The following PRRX2 variants were observed in gnomAD, a reference collection of about 807,000 sequenced individuals.
PRRX2 encodes paired mesoderm homeobox protein 2.
A neutral mutation model predicts 18.0 loss-of-function variants in PRRX2; 11 were observed. The ratio of observed to expected loss-of-function variants is 0.61; its 90% CI spans 0.39 to 1.01. PRRX2 has a LOEUF of 1.01. PRRX2 is among the 50% of genes least tolerant of loss of function. PRRX2 has a pLI of 0.01. For missense variants in PRRX2, 387 were observed against 351.0 expected, an observed-to-expected ratio of 1.10 and a Z score of -0.82; for synonymous variants, 177 against 154.8, an observed-to-expected ratio of 1.14 and a Z score of -1.06.
rs749511698 is a variant in PRRX2 at position 129,719,373 on chromosome 9, C to T, written c.402C>T (p.Arg134=). ...CGCACTACCCCGACGCCTTTGTGCGCGAGGAGCTTGCCCGGCGCGTCAACC... is the reference window on the plus strand; with the variant it reads ...CGCACTACCCCGACGCCTTTGTGCGTGAGGAGCTTGCCCGGCGCGTCAACC... ...ERTHYPDAFV[R]EELARRVNLS... Residue 134 remains arginine, a synonymous_variant, in exon 2 of 4, where the codon CGC becomes CGT. Coordinates refer to ENST00000372469, the MANE Select transcript of PRRX2 (RefSeq NM_016307.4). 6 of 1,563,812 alleles carry T rather than the reference C, an allele frequency of 3.8e-6. No homozygotes were observed. Among genetic ancestry groups the T allele is most frequent in the Middle Eastern group, 1.8e-4 (1 of 5,506 alleles).
intron 1 of PRRX2, among the ~76,000 whole-genome samples, chr9:129,710,831 C>T (rs892113065): frequency 6.6e-5 from 10 of 152,120 alleles, no homozygotes; most frequent in African/African-American, 1.9e-4. Context: ...CTAGAAGCCC[C>T]GGGATCCTTC....
At position 129,665,878 on chromosome 9, in the gene PRRX2, C is replaced by T; in HGVS notation, c.11C>T (p.Ala4Val). The change falls in exon 1 of 4, where the codon GCG becomes GTG. Residue 4 changes from alanine to valine, a missense_variant. Physicochemically the swap from Ala to Val is moderately conservative, Grantham distance 64 (BLOSUM62 0). Transcript: ENST00000372469. The surrounding 1 kb of genome is among the most constrained non-coding windows in gnomAD (Gnocchi z 5.3). MDS[A>V]AAAFALDKPA... ...GGGCCGCTCGCGGGCATGGACAGCGCGGCCGCCGCCTTCGCCCTGGACAAG... is the reference window on the plus strand; with the variant it reads ...GGGCCGCTCGCGGGCATGGACAGCGTGGCCGCCGCCTTCGCCCTGGACAAG... 1 of 1,068,926 alleles carries T rather than the reference C, an allele frequency of 9.4e-7. No homozygotes were observed. Among genetic ancestry groups the T allele is most frequent in the South Asian group, 3.9e-5 (1 of 25,600 alleles). The allele number at this position is 1,068,926 out of a possible 1,614,324, so 66.2% of individuals were successfully genotyped here. A position where few individuals can be genotyped will look rare whatever the true frequency, so the allele number is the denominator to read the frequency against.
chr9:129,697,149 TCA>T (rs2130922074), intron 1 of PRRX2, among the ~76,000 whole-genome samples: 1 of 152,288 alleles, frequency 6.6e-6, no homozygotes, highest in Non-Finnish European at 1.5e-5. Flanking sequence ...ACTGCCTTTG[TCA>T]CTAATCGGGG....
chr9:129,678,025 G>A (rs1832183131), intron 1 of PRRX2, among the ~76,000 whole-genome samples: 1 of 143,830 alleles, frequency 7.0e-6, no homozygotes, highest in East Asian at 2.0e-4. Flanking sequence ...GTGCAGTGGC[G>A]CAATCTCGGC....
At chr9:129,672,298 C>T (rs969537859) in intron 1 of PRRX2, among the ~76,000 whole-genome samples, 1 of 152,132 alleles carries the variant, frequency 6.6e-6, no homozygotes, top group Non-Finnish European at 1.5e-5. Flanking sequence ...CGGGAAGCCT[C>T]GTGGGCACAG....
rs529560395 is a variant in PRRX2 at position 129,690,964 on chromosome 9, C to T, written c.259+24838C>T. On this transcript the variant is annotated intron_variant, in intron 1 of 3. Transcript: ENST00000372469. ...AGTGGTGTGCTTGTGCCCGCTTGTCCTACTGCACAAGAGCCTATTGTTAAG... is the reference window on the plus strand; with the variant it reads ...AGTGGTGTGCTTGTGCCCGCTTGTCTTACTGCACAAGAGCCTATTGTTAAG... Among the ~76,000 whole-genome samples, 4 of 152,154 alleles carry T rather than the reference C, an allele frequency of 2.6e-5. No individual in the cohort carries two copies. In the South Asian group the frequency reaches 8.3e-4, roughly 32 times the overall value.
intron 1 of PRRX2, among the ~76,000 whole-genome samples, chr9:129,697,578 GGCGGCTGGCGC>G (rs938828527): frequency 6.6e-6 from 1 of 151,302 alleles, no homozygotes; most frequent in Non-Finnish European, 1.5e-5. Context: ...GCTGGGCGGC[GGCGGCTGGCGC>G]GCCGGCCCTG....
At chr9:129,721,578 T>A (rs1458160011) in intron 3 of PRRX2, among the ~76,000 whole-genome samples, 1 of 150,796 alleles carries the variant, frequency 6.6e-6, no homozygotes, top group Non-Finnish European at 1.5e-5. Flanking sequence ...GCATCCTTAT[T>A]TATTTATGTA....
chr9:129,705,372 C>T (rs370891128), intron 1 of PRRX2, among the ~76,000 whole-genome samples: 5 of 152,152 alleles, frequency 3.3e-5, no homozygotes, highest in African/African-American at 1.2e-4. Flanking sequence ...GCCCCCCTGG[C>T]CCTTTGATTG....
chr9:129,681,568 T>G (rs1239966870), intron 1 of PRRX2, among the ~76,000 whole-genome samples: 1 of 151,338 alleles, frequency 6.6e-6, no homozygotes, highest in African/African-American at 2.4e-5. Context: ...GCCCTGGGGG[T>G]TGTGGATGCG....
chr9:129,665,892 G>T lies in PRRX2; in HGVS notation c.25G>T (p.Ala9Ser). 9.1e-7 allele frequency: 1 copy of T among 1,093,896 alleles called. No homozygotes were observed. Among genetic ancestry groups the T allele is most frequent in the Non-Finnish European group, 1.1e-6 (1 of 903,580 alleles). 67.8% of individuals were successfully genotyped at this position (1,093,896 alleles called of 1,614,324 possible). Reference protein sequence around the residue: MDSAAAAFALDKPALGPGP... With the variant: MDSAAAAFSLDKPALGPGP... ...CATGGACAGCGCGGCCGCCGCCTTC[G>T]CCCTGGACAAGCCGGCGCTGGGCCC... The change falls in exon 1 of 4, where the codon GCC (alanine) becomes TCC (serine). Residue 9 changes from alanine to serine, a missense_variant. By Grantham distance (99) the Ala-to-Ser change is moderately conservative. Transcript: ENST00000372469. This position sits in a 1 kb window ranked among gnomAD's most constrained non-coding sequence, Gnocchi z 5.3.
intron 1 of PRRX2, among the ~76,000 whole-genome samples, chr9:129,714,005 T>C (rs1832670400): frequency 6.6e-6 from 1 of 151,672 alleles, no homozygotes; most frequent in South Asian, 2.1e-4. Flanking sequence ...CAGCTTCAGT[T>C]TCCGTGTGTG....
intron 1 of PRRX2, among the ~76,000 whole-genome samples, chr9:129,685,792 A>G (rs540192520): frequency 9.2e-5 from 14 of 152,332 alleles, no homozygotes; most frequent in Admixed American, 3.3e-4. Context: ...TCATTCATCC[A>G]TGCAGTGTTT....
At chr9:129,717,922 A>T (rs1832734378) in intron 1 of PRRX2, among the ~76,000 whole-genome samples, 1 of 152,174 alleles carries the variant, frequency 6.6e-6, no homozygotes, top group Non-Finnish European at 1.5e-5. Flanking sequence ...TAAGTGCTGG[A>T]GGGAAGGGGG....
intron 1 of PRRX2, among the ~76,000 whole-genome samples, chr9:129,716,523 C>T (rs1316561882): frequency 4.0e-5 from 6 of 151,238 alleles, no homozygotes; most frequent in Admixed American, 2.6e-4. Flanking sequence ...GGTACGGTAC[C>T]GGCTCATAGC....
At chr9:129,721,615 T>C (rs1188474821) in intron 3 of PRRX2, among the ~76,000 whole-genome samples, 1 of 152,060 alleles carries the variant, frequency 6.6e-6, no homozygotes, top group African/African-American at 2.4e-5. Flanking sequence ...AGTCTCGCTC[T>C]GTCACCCAGG....
chr9:129,666,594 C>T (rs73670152), intron 1 of PRRX2, among the ~76,000 whole-genome samples: 26,994 of 116,618 alleles, frequency 0.23, 2,600 homozygotes, highest in African/African-American at 0.35. Flanking sequence ...CTCCAGTTTG[C>T]CCCGGGAGCA....
intron 1 of PRRX2, among the ~76,000 whole-genome samples, chr9:129,670,008 G>T: frequency 6.9e-6 from 1 of 145,640 alleles, no homozygotes; most frequent in Non-Finnish European, 1.5e-5. Flanking sequence ...CCCTCCCCCA[G>T]CCCCTGGCAC....
chr9:129,703,381 G>T lies in PRRX2; in HGVS notation c.260-15850G>T, dbSNP rs529775614. ...AGCAGCCCAGGAGCTCTTAAATGGGGAAGAGCTCATTTCCCACATGGGACC... is the reference window on the plus strand; with the variant it reads ...AGCAGCCCAGGAGCTCTTAAATGGGTAAGAGCTCATTTCCCACATGGGACC... On this transcript the variant is annotated intron_variant, in intron 1 of 3. Coordinates refer to ENST00000372469, the MANE Select transcript of PRRX2 (RefSeq NM_016307.4). 2.6e-5 allele frequency among the ~76,000 whole-genome samples: 4 copies of T among 152,304 alleles called. No individual in the cohort carries two copies. In the East Asian group the frequency reaches 5.8e-4, roughly 22 times the overall value.
Sources: allele counts gnomAD v4.1 joint callset (sites outside exome capture counted in the v4.1 genomes callset), GRCh38; gene constraint gnomAD v4.1.1; non-coding constraint Gnocchi (gnomAD v3.1); transcripts MANE v1.5; gene names NCBI Gene and HGNC (gene_info 2026-07-23, HGNC 2026-07-21).